Variants in CDH13 observed in about 807,000 individuals in gnomAD.
CDH13 encodes the protein cadherin-13.
Under a neutral mutation model 63.8 loss-of-function variants are expected in CDH13, and 24 were observed. The ratio of observed to expected loss-of-function variants is 0.38; its 90% CI spans 0.27 to 0.53. CDH13 has a LOEUF of 0.53. Ranked by LOEUF, CDH13 falls within the 20% of genes least tolerant of loss-of-function variation. CDH13 has a pLI of 0.85. For missense variants in CDH13, 1,049 were observed against 903.1 expected (o/e 1.16, Z -2.07); for synonymous variants, 503 against 355.3 (o/e 1.42, Z -4.67).
chr16:83,761,607 TTTGA>T (rs1913973505), intron 11 of CDH13, among the ~76,000 whole-genome samples: 1 of 152,226 alleles, frequency 6.6e-6, no homozygotes, highest in Admixed American at 6.5e-5. Context: ...CAGTTGGCCC[TTTGA>T]TTGGCTCAAA....
chr16:83,775,760 AAG>A (rs1210366835), intron 11 of CDH13, among the ~76,000 whole-genome samples: 4 of 152,216 alleles, frequency 2.6e-5, no homozygotes, highest in Non-Finnish European at 4.4e-5. Context: ...AAAGAAAAGA[AAG>A]AGAAAATTCA....
At chr16:82,918,240 GAGA>G (rs2042051488) in intron 2 of CDH13, among the ~76,000 whole-genome samples, 1 of 152,136 alleles carries the variant, frequency 6.6e-6, no homozygotes, top group African/African-American at 2.4e-5. Flanking sequence ...CAAGATAGTT[GAGA>G]AGATTATAAG....
chr16:83,583,301 C>T (rs1425608550), intron 7 of CDH13, among the ~76,000 whole-genome samples: 2 of 152,162 alleles, frequency 1.3e-5, no homozygotes, highest in Non-Finnish European at 2.9e-5. Context: ...ATCACATTCG[C>T]AGGTACTGGG....
chr16:82,789,471 T>C (rs1366592598), intron 1 of CDH13, among the ~76,000 whole-genome samples: 1 of 152,206 alleles, frequency 6.6e-6, no homozygotes, highest in East Asian at 1.9e-4. Flanking sequence ...CTAGACTTAG[T>C]GGTGTGGCTT....
intron 1 of CDH13, among the ~76,000 whole-genome samples, chr16:82,668,971 C>A (rs28676558): frequency 0.24 from 36,478 of 152,120 alleles, 4,975 homozygotes; most frequent in East Asian, 0.39. Context: ...GGGGCTGCCC[C>A]GGTGTACCTG....
intron 5 of CDH13, among the ~76,000 whole-genome samples, chr16:83,264,611 A>G (rs1238620088): frequency 1.3e-5 from 2 of 151,820 alleles, no homozygotes; most frequent in African/African-American, 2.4e-5. Context: ...GACTAATGCA[A>G]TAACTTTTAA....
At chr16:83,529,766 A>T (rs1279823466) in intron 7 of CDH13, among the ~76,000 whole-genome samples, 2 of 152,220 alleles carry the variant, frequency 1.3e-5, no homozygotes, top group Non-Finnish European at 2.9e-5. Context: ...AGAAAAATAC[A>T]ATATTGATAT....
intron 4 of CDH13, among the ~76,000 whole-genome samples, chr16:83,149,565 C>T (rs557234567): frequency 2.3e-4 from 35 of 152,262 alleles, no homozygotes; most frequent in African/African-American, 7.9e-4. Flanking sequence ...TACCCCCATA[C>T]CCTATTCTTT....
In CDH13 at chr16:82,841,172, C is replaced by G. The variant is rs140802203; in HGVS notation, c.46-17190C>G. ...GCCCTGTTTGACTCCAAGCTCAAAG[C>G]TGTCCCAAATCCAGATGCTCGGTGA... is the stretch of plus-strand genomic sequence containing the variant. On this transcript the variant is annotated intron_variant, in intron 1 of 13. Transcript: ENST00000567109. 5.9e-3 allele frequency among the ~76,000 whole-genome samples: 905 copies of G among 152,306 alleles called. 22 individuals are homozygous for G. The highest frequency in any genetic ancestry group is 0.041 in the East Asian group (212 of 5,176).
At chr16:83,565,882 C>G (rs192370574) in intron 7 of CDH13, among the ~76,000 whole-genome samples, 2 of 152,110 alleles carry the variant, frequency 1.3e-5, no homozygotes, top group Middle Eastern at 6.8e-3. Context: ...TCTTTTCTGG[C>G]TTATGACTTT....
chr16:82,953,289 G>A (rs1259448540), intron 2 of CDH13: 12 of 152,064 alleles, frequency 7.9e-5, no homozygotes, highest in Admixed American at 2.6e-4. Context: ...GCCAAATATG[G>A]CCATAAAGGT....
chr16:83,369,731 A>G (rs982532976), intron 6 of CDH13, among the ~76,000 whole-genome samples: 1 of 152,052 alleles, frequency 6.6e-6, no homozygotes, highest in Admixed American at 6.6e-5. Flanking sequence ...GTCTTCTTCT[A>G]GTCTTGATGC....
At chr16:83,693,872 C>G (rs1161956120) in intron 10 of CDH13, among the ~76,000 whole-genome samples, 1 of 152,184 alleles carries the variant, frequency 6.6e-6, no homozygotes, top group East Asian at 1.9e-4. Context: ...GCAAATAACA[C>G]CATGAGTTGT....
intron 6 of CDH13, among the ~76,000 whole-genome samples, chr16:83,374,296 A>G (rs2091423582): frequency 6.6e-6 from 1 of 152,198 alleles, no homozygotes; most frequent in Non-Finnish European, 1.5e-5. Flanking sequence ...CCATTTAACT[A>G]TTGTAAATGA....
rs76465499 is a variant in CDH13, at chr16:83,357,189, C to G, written c.781+12183C>G. Among the ~76,000 whole-genome samples the G allele has an allele frequency of 9.8e-3, 1,488 of 152,256 alleles. 52 individuals carry two copies. The East Asian group carries it at 0.15, about 15-fold the overall frequency. ...CCATCACATCCAGACTCCAGAGCTG[C>G]TTTGCCATCTGTTCCTCTCCTTCCT... is the stretch of plus-strand genomic sequence containing the variant. On this transcript the variant is annotated intron_variant, in intron 6 of 13. Coordinates refer to ENST00000567109, the MANE Select transcript of CDH13 (RefSeq NM_001257.5).
At chr16:82,822,240 AAC>A (rs992826845) in intron 1 of CDH13, among the ~76,000 whole-genome samples, 57 of 152,348 alleles carry the variant, frequency 3.7e-4, no homozygotes, top group African/African-American at 1.4e-3. Flanking sequence ...CTATCAAAAG[AAC>A]ACAGGTTGAA....
chr16:83,798,809 ATC>A lies in CDH13; in HGVS notation c.*3781_*3782del, dbSNP rs1458905589. 3 of 152,168 alleles carry A rather than the reference ATC, an allele frequency of 2.0e-5. No individual in the cohort carries two copies. Among genetic ancestry groups the A allele is most frequent in the Non-Finnish European group, 4.4e-5 (3 of 68,028 alleles). The allele number at this position is 152,168 out of a possible 1,614,324, so 9.4% of individuals were successfully genotyped here. A position where few individuals can be genotyped will look rare whatever the true frequency, so the allele number is the denominator to read the frequency against. ...CTATTAAGTACCTTTTACTAACAGTATCTTCTGTTACCTATTATTAAGTTCAT... is the reference window on the plus strand; with the variant it reads ...CTATTAAGTACCTTTTACTAACAGTATTCTGTTACCTATTATTAAGTTCAT... On this transcript the variant is annotated 3_prime_UTR_variant, in exon 14 of 14. Coordinates refer to ENST00000567109, the MANE Select transcript of CDH13 (RefSeq NM_001257.5).
intron 7 of CDH13, among the ~76,000 whole-genome samples, chr16:83,550,831 T>C (rs1367260326): frequency 2.0e-5 from 3 of 152,164 alleles, no homozygotes; most frequent in African/African-American, 7.2e-5. Flanking sequence ...TCCAGAATTC[T>C]ACTTTTTCAC....
intron 1 of CDH13, among the ~76,000 whole-genome samples, 169 bp downstream of exon 1, chr16:82,627,306 C>T (rs1400036250): frequency 2.7e-5 from 4 of 149,946 alleles, no homozygotes; most frequent in African/African-American, 4.9e-5. Context: ...ATCCTAGGCA[C>T]CCCCCACACA....
Sources: gnomAD v4.1 joint callset for allele counts (sites outside exome capture counted in the v4.1 genomes callset) on GRCh38, gnomAD v4.1.1 for gene constraint, MANE v1.5 for transcripts, NCBI Gene and HGNC (gene_info 2026-07-23, HGNC 2026-07-21) for gene names.